Variants in ABCB1 observed in about 807,000 individuals in gnomAD.
ABCB1 encodes the protein ATP-dependent translocase ABCB1.
A neutral mutation model predicts 142.0 loss-of-function variants in ABCB1; 69 were observed. The ratio of observed to expected loss-of-function variants is 0.49; its 90% CI spans 0.40 to 0.59. The LOEUF is 0.59. Among genes scored for constraint, ABCB1 ranks in the 20% least tolerant of loss-of-function variants. The pLI, the probability that ABCB1 is intolerant of heterozygous loss-of-function variation, is 0.00. For missense variants in ABCB1, 1,326 were observed against 1,554.7 expected (o/e 0.85, Z 2.47); for synonymous variants, 532 against 539.2 (o/e 0.99, Z 0.18).
At chr7:87,509,868 G>A (rs1814927448) in intron 25 of ABCB1, among the ~76,000 whole-genome samples, 1 of 152,162 alleles carries the variant, frequency 6.6e-6, no homozygotes, top group Non-Finnish European at 1.5e-5. Flanking sequence ...AATTATCTTG[G>A]TGAAACTAAT....
chr7:87,630,425 G>A (rs1821098547), intron 1 of ABCB1, among the ~76,000 whole-genome samples: 1 of 152,156 alleles, frequency 6.6e-6, no homozygotes, highest in African/African-American at 2.4e-5. Context: ...TTTGCCGTTT[G>A]TGCTGTCTAG....
intron 1 of ABCB1, among the ~76,000 whole-genome samples, chr7:87,675,919 A>G (rs1826309688): frequency 6.6e-6 from 1 of 152,224 alleles, no homozygotes; most frequent in African/African-American, 2.4e-5. Flanking sequence ...GAACGACATT[A>G]AACTGAGAAG....
At chr7:87,705,007 T>G (rs916677942) in intron 1 of ABCB1, among the ~76,000 whole-genome samples, 1 of 152,224 alleles carries the variant, frequency 6.6e-6, no homozygotes, top group African/African-American at 2.4e-5. Context: ...ATTTGCCTGG[T>G]GAACAGTATA....
chr7:87,527,699 A>G (rs1167288962), intron 21 of ABCB1, among the ~76,000 whole-genome samples: 16 of 152,176 alleles, frequency 1.1e-4, no homozygotes, highest in Non-Finnish European at 2.4e-4. Context: ...TGCAATATGC[A>G]ATTTACTGGA....
intron 1 of ABCB1, among the ~76,000 whole-genome samples, chr7:87,644,991 A>G (rs1213263309): frequency 1.3e-5 from 2 of 151,790 alleles, no homozygotes; most frequent in African/African-American, 2.4e-5. Context: ...TTTGGTAACC[A>G]TCTCATTTCT....
At chr7:87,684,095 T>G (rs1281077281) in intron 1 of ABCB1, among the ~76,000 whole-genome samples, 1 of 152,128 alleles carries the variant, frequency 6.6e-6, no homozygotes, top group African/African-American at 2.4e-5. Context: ...CAACTTTAAT[T>G]CATGTTAAAA....
intron 1 of ABCB1, among the ~76,000 whole-genome samples, chr7:87,660,573 GT>G (rs1325624565): frequency 6.6e-6 from 1 of 151,730 alleles, no homozygotes; most frequent in Non-Finnish European, 1.5e-5. Flanking sequence ...CCAGAGATTT[GT>G]CTGTTTTATT....
chr7:87,662,534 A>G (rs1302194772), intron 1 of ABCB1, among the ~76,000 whole-genome samples: 2 of 151,888 alleles, frequency 1.3e-5, no homozygotes, highest in Admixed American at 1.3e-4. Flanking sequence ...ATACATTTTC[A>G]GAATCTTTGT....
chr7:87,550,059 A>C lies in ABCB1; in HGVS notation c.1351-5T>G. ...ATCCTGTCCATCAACACTGACCTGGAATAAAAAGTAAGTGTGACTTTCATA... is the reference window on the plus strand; with the variant it reads ...ATCCTGTCCATCAACACTGACCTGGCATAAAAAGTAAGTGTGACTTTCATA... On this transcript the variant is annotated splice_polypyrimidine_tract_variant and splice_region_variant and intron_variant, in intron 12 of 27. Transcript: ENST00000622132. The C allele has an allele frequency of 6.2e-7, 1 of 1,614,172 alleles. No individual in the cohort carries two copies. The highest frequency in any genetic ancestry group is 8.5e-7 in the Non-Finnish European group (1 of 1,180,004).
intron 20 of ABCB1, 51 bp from the exon 21 acceptor site, chr7:87,531,548 T>C: frequency 6.5e-7 from 1 of 1,546,106 alleles, no homozygotes; most frequent in Non-Finnish European, 8.9e-7. Context: ...TCTTCACAAC[T>C]CATGCTTCTA....
chr7:87,564,225 A>G (rs1232407803), intron 7 of ABCB1: 2 of 411,068 alleles, frequency 4.9e-6, no homozygotes, highest in African/African-American at 4.2e-5. Context: ...CAGTTGTTCC[A>G]TTGAAGTTTA....
At chr7:87,580,370 C>T (rs1818457574) in intron 4 of ABCB1, among the ~76,000 whole-genome samples, 2 of 152,126 alleles carry the variant, frequency 1.3e-5, no homozygotes, top group South Asian at 2.1e-4. Context: ...AAATATGTCA[C>T]GCTACTCTCT....
chr7:87,591,710 G>A (rs1283745723), intron 3 of ABCB1, among the ~76,000 whole-genome samples: 1 of 152,122 alleles, frequency 6.6e-6, no homozygotes, highest in East Asian at 1.9e-4. Flanking sequence ...GAATGGGGGT[G>A]GGGGTATACT....
At chr7:87,666,269 T>C (rs1825237849) in intron 1 of ABCB1, among the ~76,000 whole-genome samples, 2 of 152,324 alleles carry the variant, frequency 1.3e-5, no homozygotes, top group East Asian at 3.9e-4. Flanking sequence ...CATATGCTTG[T>C]GGGCCGTGTG....
At chr7:87,638,461 A>G (rs570206929) in intron 1 of ABCB1, among the ~76,000 whole-genome samples, 2 of 152,084 alleles carry the variant, frequency 1.3e-5, no homozygotes, top group East Asian at 3.9e-4. Flanking sequence ...CCAGGGAAGC[A>G]ATGTGAACCG....
In ABCB1 at chr7:87,680,665, G is replaced by A. The variant is rs528574382; in HGVS notation, c.-331+32496C>T. 4.3e-4 allele frequency among the ~76,000 whole-genome samples: 64 copies of A among 150,282 alleles called. 6 individuals are homozygous for A. The highest frequency in any genetic ancestry group is 1.6e-3 in the African/African-American group (63 of 40,508). On this transcript the variant is annotated intron_variant, in intron 1 of 28. Transcript: ENST00000265724. ...AAAAATTAGCCAGGCATGGTGGTGT[G>A]TGCCTGTAATCCCAGCTACTTAGGA...
chr7:87,583,093 C>A (rs958780429), intron 4 of ABCB1, among the ~76,000 whole-genome samples: 4 of 152,088 alleles, frequency 2.6e-5, no homozygotes, highest in African/African-American at 9.7e-5. Context: ...TATAAGGAAC[C>A]ATATCATCAT....
intron 1 of ABCB1, among the ~76,000 whole-genome samples, chr7:87,638,133 TG>T (rs1821997877): frequency 6.6e-6 from 1 of 152,172 alleles, no homozygotes; most frequent in African/African-American, 2.4e-5. Flanking sequence ...TGTTGACTTT[TG>T]CATGTTAAAC....
At chr7:87,588,899 A>G (rs1039692455) in intron 3 of ABCB1, among the ~76,000 whole-genome samples, 1 of 152,170 alleles carries the variant, frequency 6.6e-6, no homozygotes. Flanking sequence ...TTCTCTAATG[A>G]TCAGTGATGT....
Sources: allele counts gnomAD v4.1 joint callset (sites outside exome capture counted in the v4.1 genomes callset), GRCh38; gene constraint gnomAD v4.1.1; transcripts MANE v1.5; gene names NCBI Gene and HGNC (gene_info 2026-07-23, HGNC 2026-07-21).